The following TOX3 variants were observed in gnomAD, a reference collection of about 807,000 sequenced individuals.
TOX3 encodes the protein TOX high mobility group box family member 3.
A neutral mutation model predicts 64.3 loss-of-function variants in TOX3; 22 were observed. The ratio of observed to expected loss-of-function variants is 0.34; its 90% CI spans 0.24 to 0.49. The LOEUF (loss-of-function observed/expected upper bound fraction) is 0.49. Ranked by LOEUF, TOX3 falls within the 20% of genes least tolerant of loss-of-function variation. The pLI is 0.99. For missense variants in TOX3, 661 were observed against 714.4 expected (o/e 0.93, Z 0.85); for synonymous variants, 291 against 273.6 (o/e 1.06, Z -0.63).
At chr16:52,505,891 GA>G (rs1380477679) in intron 1 of TOX3, among the ~76,000 whole-genome samples, 1 of 152,160 alleles carries the variant, frequency 6.6e-6, no homozygotes, top group African/African-American at 2.4e-5. Context: ...TGGGAGGATT[GA>G]TTGAGCCCAA....
At chr16:52,467,991 G>A (rs1427406035) in intron 2 of TOX3, among the ~76,000 whole-genome samples, 1 of 152,032 alleles carries the variant, frequency 6.6e-6, no homozygotes, top group Non-Finnish European at 1.5e-5. Flanking sequence ...CACTGTACTG[G>A]GCTGTGGGGA....
At position 52,441,344 on chromosome 16, in the gene TOX3, C is replaced by A. The variant is rs569896275; in HGVS notation, c.988-1376G>T. 4.6e-5 allele frequency among the ~76,000 whole-genome samples: 7 copies of A among 152,246 alleles called. No homozygotes were observed. The South Asian group carries it at 1.5e-3, about 32-fold the overall frequency. On this transcript the variant is annotated intron_variant, in intron 6 of 6. Coordinates refer to ENST00000219746, the MANE Select transcript of TOX3 (RefSeq NM_001080430.4). ...TTTTAGAAATGTTTTAGTTCATCAA[C>A]TATTTTTGAAGATTTGTAGAATTTA...
At chr16:52,531,541 T>C (rs1962851438) in intron 1 of TOX3, among the ~76,000 whole-genome samples, 1 of 152,222 alleles carries the variant, frequency 6.6e-6, no homozygotes, top group African/African-American at 2.4e-5. Context: ...TTTTAAAAGT[T>C]TAATAGCTAT....
chr16:52,507,421 A>C (rs1012057996), intron 1 of TOX3, among the ~76,000 whole-genome samples: 5 of 152,200 alleles, frequency 3.3e-5, no homozygotes, highest in Non-Finnish European at 5.9e-5. Flanking sequence ...ACATCTTTGC[A>C]TTAAAAAATG....
At chr16:52,521,940 G>T (rs1202152576) in intron 1 of TOX3, among the ~76,000 whole-genome samples, 1 of 152,180 alleles carries the variant, frequency 6.6e-6, no homozygotes, top group East Asian at 1.9e-4. Flanking sequence ...AGGAATCCCA[G>T]ATCAATCACC....
chr16:52,494,272 C>T (rs2216188), intron 1 of TOX3, among the ~76,000 whole-genome samples: 71,831 of 151,844 alleles, frequency 0.47, 17,430 homozygotes, highest in African/African-American at 0.57. Context: ...AAGGATGTGT[C>T]TCACTTTGGG....
In TOX3 at chr16:52,543,130, C is replaced by T. The variant is rs368388311; in HGVS notation, c.87+3507G>A. Among the ~76,000 whole-genome samples the T allele has an allele frequency of 8.5e-5, 13 of 152,212 alleles. No individual in the cohort carries two copies. The East Asian group carries it at 1.4e-3, about 16-fold the overall frequency. ...GTTTAGTCCAAGTTTGTTAACAACC[C>T]ACTGTATGATTTCACCTCACACCCA... On this transcript the variant is annotated intron_variant, in intron 1 of 6. Coordinates refer to ENST00000219746, the MANE Select transcript of TOX3 (RefSeq NM_001080430.4).
chr16:52,470,960 C>A (rs901916805), intron 1 of TOX3, among the ~76,000 whole-genome samples: 6 of 152,142 alleles, frequency 3.9e-5, no homozygotes, highest in Non-Finnish European at 8.8e-5. Context: ...GGTAAAACAG[C>A]CCCTCTACAA....
At chr16:52,473,433 C>A (rs540497116) in intron 1 of TOX3, among the ~76,000 whole-genome samples, 1 of 152,312 alleles carries the variant, frequency 6.6e-6, no homozygotes, top group African/African-American at 2.4e-5. Context: ...CAGACACCAT[C>A]CAACTTGATG....
chr16:52,505,755 T>A (rs188250261), intron 1 of TOX3, among the ~76,000 whole-genome samples: 3 of 152,274 alleles, frequency 2.0e-5, no homozygotes, highest in South Asian at 2.1e-4. Flanking sequence ...GGCAGGCAGA[T>A]CACTTAAGCC....
At chr16:52,444,528 C>CACACACACAT (rs1332450056) in intron 5 of TOX3, 172 bp from the exon 6 acceptor site, 4 of 448,340 alleles carry the variant, frequency 8.9e-6, no homozygotes, top group Admixed American at 7.6e-5. Flanking sequence ...CACACACACA[C>CACACACACAT]ACACACGGAT....
intron 1 of TOX3, among the ~76,000 whole-genome samples, chr16:52,519,806 TA>T (rs1962557837): frequency 6.6e-6 from 1 of 150,462 alleles, no homozygotes; most frequent in Admixed American, 6.6e-5. Context: ...AAAAAAAAAT[TA>T]AAAAATTAGA....
At chr16:52,486,299 G>T (rs7205259) in intron 1 of TOX3, among the ~76,000 whole-genome samples, 3,909 of 152,190 alleles carry the variant, frequency 0.026, 184 homozygotes, top group African/African-American at 0.09. Flanking sequence ...GCCTAGCAAG[G>T]GTGGGATCCC....
At chr16:52,518,755 A>T (rs1425209743) in intron 1 of TOX3, among the ~76,000 whole-genome samples, 1 of 152,244 alleles carries the variant, frequency 6.6e-6, no homozygotes, top group African/African-American at 2.4e-5. Flanking sequence ...TGTTCATTTG[A>T]GTAATATAAA....
At position 52,439,290 on chromosome 16, in the gene TOX3, G is replaced by T; in HGVS notation, c.1666C>A (p.Gln556Lys). The T allele has an allele frequency of 1.2e-6, 2 of 1,613,940 alleles. No homozygotes were observed. Among genetic ancestry groups the T allele is most frequent in the Non-Finnish European group, 1.7e-6 (2 of 1,179,872 alleles). ...AIGSPQPASQ[Q>K]HQSQIQSQTQ... ...TGAGACTGTATTTGCGACTGGTGCT[G>T]CTGAGAGGCTGGCTGGGGGCTCCCG... The change falls in exon 7 of 7, where the codon CAG becomes AAG. Residue 556 changes from glutamine to lysine, a missense_variant. Gln to Lys is a moderately conservative substitution (Grantham distance 53, BLOSUM62 1). Transcript: ENST00000219746.
intron 1 of TOX3, among the ~76,000 whole-genome samples, chr16:52,536,520 C>T (rs1051541576): frequency 6.7e-6 from 1 of 149,736 alleles, no homozygotes; most frequent in Non-Finnish European, 1.5e-5. Flanking sequence ...AGGAAAAGTA[C>T]ACAGGGATAG....
At chr16:52,446,526 T>C (rs1278150150) in intron 4 of TOX3, among the ~76,000 whole-genome samples, 1 of 152,194 alleles carries the variant, frequency 6.6e-6, no homozygotes, top group Non-Finnish European at 1.5e-5. Flanking sequence ...ATATATGCTA[T>C]ACTACACATA....
intron 1 of TOX3, among the ~76,000 whole-genome samples, chr16:52,502,952 A>G (rs1351105127): frequency 6.6e-6 from 1 of 152,168 alleles, no homozygotes; most frequent in Non-Finnish European, 1.5e-5. Context: ...TATACAAACT[A>G]TATCACCCCT....
At chr16:52,453,107 T>A (rs762725549) in intron 3 of TOX3, among the ~76,000 whole-genome samples, 2 of 152,134 alleles carry the variant, frequency 1.3e-5, no homozygotes, top group Non-Finnish European at 2.9e-5. Context: ...CTCACTGACA[T>A]AACTTCCACC....
Sources: gnomAD v4.1 joint callset for allele counts (sites outside exome capture counted in the v4.1 genomes callset) on GRCh38, gnomAD v4.1.1 for gene constraint, MANE v1.5 for transcripts, NCBI Gene and HGNC (gene_info 2026-07-23, HGNC 2026-07-21) for gene names.